FAF1: variants seen among roughly 807,000 people sequenced by gnomAD.
FAF1 encodes Fas associated factor 1, also known as FAS-associated factor 1.
FAF1 carries 25 observed loss-of-function variants against 92.5 expected under a neutral mutation model. The observed-to-expected ratio is 0.27, with a 90% confidence interval of 0.20 to 0.38. FAF1 has a LOEUF of 0.38. Among genes scored for constraint, FAF1 ranks in the 10% least tolerant of loss-of-function variants. The pLI, the probability that FAF1 is intolerant of heterozygous loss-of-function variation, is 1.00. For missense variants in FAF1, 636 were observed against 793.3 expected (o/e 0.80, Z 2.38); for synonymous variants, 234 against 273.2 (o/e 0.86, Z 1.42).
At chr1:50,753,669 T>G (rs902840396) in intron 4 of FAF1, among the ~76,000 whole-genome samples, 9 of 152,146 alleles carry the variant, frequency 5.9e-5, no homozygotes, top group African/African-American at 2.2e-4. Context: ...ATTTCTACAT[T>G]TCCAATGCCT....
At chr1:50,678,852 C>G (rs1656280705) in intron 7 of FAF1, among the ~76,000 whole-genome samples, 1 of 147,386 alleles carries the variant, frequency 6.8e-6, no homozygotes, top group African/African-American at 2.5e-5. Flanking sequence ...TTTGGGAGGC[C>G]GAGGCAGGCG....
chr1:50,835,570 CAAAAA>C (rs573942977), intron 2 of FAF1, among the ~76,000 whole-genome samples: 2 of 54,890 alleles, frequency 3.6e-5, no homozygotes, highest in African/African-American at 1.2e-4. Context: ...GACTCCATCT[CAAAAA>C]AAAAAAAAAA....
intron 1 of FAF1, among the ~76,000 whole-genome samples, chr1:50,954,098 G>C (rs910048474): frequency 2.6e-5 from 4 of 151,810 alleles, no homozygotes; most frequent in Non-Finnish European, 5.9e-5. Context: ...ACAGGTGCCC[G>C]CCACCATGCC....
Position 50,649,564 on chromosome 1 carries a change from A to C in FAF1, c.744+5878T>G, listed in dbSNP as rs545447609. Among the ~76,000 whole-genome samples, 13 of 152,308 alleles carry C rather than the reference A, an allele frequency of 8.5e-5. No individual in the cohort carries two copies. In the South Asian group the frequency reaches 1.2e-3, roughly 15 times the overall value. On this transcript the variant is annotated intron_variant, in intron 8 of 18. Transcript: ENST00000396153. ...TCTGAATCCTAACACACGCCCAAAGAGCTTTGATTCTAAAATTCCTAGTTT... is the reference window on the plus strand; with the variant it reads ...TCTGAATCCTAACACACGCCCAAAGCGCTTTGATTCTAAAATTCCTAGTTT...
intron 8 of FAF1, among the ~76,000 whole-genome samples, chr1:50,609,488 A>G (rs1224349087): frequency 1.3e-5 from 2 of 152,012 alleles, no homozygotes; most frequent in Non-Finnish European, 2.9e-5. Context: ...AGGCTCCAAC[A>G]ATTTTTCCAC....
At chr1:50,635,485 T>C (rs976611770) in intron 8 of FAF1, among the ~76,000 whole-genome samples, 1 of 152,178 alleles carries the variant, frequency 6.6e-6, no homozygotes, top group African/African-American at 2.4e-5. Flanking sequence ...GAGTGCAGTG[T>C]CATGATCATG....
At chr1:50,657,204 C>T (rs1434460742) in intron 7 of FAF1, among the ~76,000 whole-genome samples, 1 of 150,738 alleles carries the variant, frequency 6.6e-6, no homozygotes, top group Non-Finnish European at 1.5e-5. Context: ...AGAGTGAGAC[C>T]CTGTCTCAAA....
chr1:50,710,156 T>A (rs1000691008), intron 6 of FAF1, among the ~76,000 whole-genome samples: 2 of 152,202 alleles, frequency 1.3e-5, no homozygotes, highest in African/African-American at 4.8e-5. Context: ...CCTTTACATA[T>A]GAATCTATGC....
chr1:50,567,465 T>C (rs899350987), intron 12 of FAF1, among the ~76,000 whole-genome samples: 3 of 152,248 alleles, frequency 2.0e-5, no homozygotes, highest in Non-Finnish European at 4.4e-5. Flanking sequence ...AGACTGCTAT[T>C]GCAGATTTCT....
chr1:50,588,535 G>A (rs998558233), intron 9 of FAF1, among the ~76,000 whole-genome samples: 1 of 152,224 alleles, frequency 6.6e-6, no homozygotes, highest in Non-Finnish European at 1.5e-5. Context: ...AGAGGGTAGA[G>A]AAGGAGAGAG....
At chr1:50,578,650 G>A (rs1470717752) in intron 12 of FAF1, among the ~76,000 whole-genome samples, 1 of 152,084 alleles carries the variant, frequency 6.6e-6, no homozygotes, top group Non-Finnish European at 1.5e-5. Context: ...TCTAAAATGG[G>A]AATATGAGGA....
intron 13 of FAF1, among the ~76,000 whole-genome samples, chr1:50,547,135 C>T (rs1466700352): frequency 6.6e-6 from 1 of 151,978 alleles, no homozygotes; most frequent in Non-Finnish European, 1.5e-5. Flanking sequence ...TCAAGCAATC[C>T]ACTGGCCTCA....
intron 7 of FAF1, among the ~76,000 whole-genome samples, chr1:50,662,030 A>T (rs1655398560): frequency 6.6e-6 from 1 of 152,128 alleles, no homozygotes; most frequent in Admixed American, 6.6e-5. Context: ...TTAATTAGCA[A>T]GCTTTTTTTT....
At chr1:50,584,318 T>C (rs973345166) in intron 10 of FAF1, among the ~76,000 whole-genome samples, 1 of 152,108 alleles carries the variant, frequency 6.6e-6, no homozygotes, top group Non-Finnish European at 1.5e-5. Flanking sequence ...AAAAGTAACA[T>C]TATTACTCTT....
At chr1:50,931,632 C>T (rs2124744804) in intron 1 of FAF1, among the ~76,000 whole-genome samples, 1 of 152,182 alleles carries the variant, frequency 6.6e-6, no homozygotes, top group South Asian at 2.1e-4. Context: ...CTTTAGGAGG[C>T]TGAGGCGGGT....
At chr1:50,822,230 T>C (rs1473773138) in intron 2 of FAF1, among the ~76,000 whole-genome samples, 1 of 152,096 alleles carries the variant, frequency 6.6e-6, no homozygotes, top group African/African-American at 2.4e-5. Context: ...GTAAAGAATG[T>C]TCACTGAACT....
chr1:50,498,145 A>G (rs1646923767), intron 15 of FAF1, among the ~76,000 whole-genome samples: 1 of 152,190 alleles, frequency 6.6e-6, no homozygotes, highest in Non-Finnish European at 1.5e-5. Context: ...GGGTGGCAAG[A>G]CCATTCAATG....
intron 7 of FAF1, among the ~76,000 whole-genome samples, chr1:50,657,919 C>A (rs1655197873): frequency 1.3e-5 from 2 of 152,130 alleles, no homozygotes. Flanking sequence ...AGGTTCTTAG[C>A]AAATGGCTAG....
intron 2 of FAF1, among the ~76,000 whole-genome samples, chr1:50,818,851 A>G (rs1644003389): frequency 6.6e-6 from 1 of 152,192 alleles, no homozygotes; most frequent in Non-Finnish European, 1.5e-5. Context: ...CCAAAAAAAA[A>G]AAAGAAATCT....
Sources: gnomAD v4.1 joint callset for allele counts (sites outside exome capture counted in the v4.1 genomes callset) on GRCh38, gnomAD v4.1.1 for gene constraint, MANE v1.5 for transcripts, NCBI Gene and HGNC (gene_info 2026-07-23, HGNC 2026-07-21) for gene names.